XPO7: variants seen among roughly 807,000 people sequenced by gnomAD.
XPO7 encodes exportin 7, also known as exportin-7.
Under a neutral mutation model 144.3 loss-of-function variants are expected in XPO7, and 21 were observed. The ratio of observed to expected loss-of-function variants is 0.15; its 90% CI spans 0.10 to 0.21. The LOEUF is 0.21. Ranked by LOEUF, XPO7 falls within the 10% of genes least tolerant of loss-of-function variation. The probability of loss-of-function intolerance (pLI) is 1.00; values close to 1 mark genes in which losing one functional copy is unlikely to be tolerated. For synonymous variants in XPO7, 580 were observed against 499.6 expected (o/e 1.16, Z -2.15); for missense variants, 808 against 1,325.8 (o/e 0.61, Z 6.06).
rs368651646 is a variant in XPO7, at chr8:21,994,407, C to G, written c.2193C>G (p.Phe731Leu). ...GLVRDLRGIA[F>L]AFNAKTSFMM... ...TAAGAGACCTGAGAGGGATCGCTTT[C>G]GCTTTCAATGCCAAGACCAGCTTCA... The change falls in exon 20 of 28, where the codon TTC becomes TTG. Residue 731 changes from phenylalanine to leucine, a missense_variant. This residue lies in a region of XPO7 where 416 missense variants were observed against 612.5 expected (regional missense o/e 0.68). Coordinates refer to ENST00000252512, the MANE Select transcript of XPO7 (RefSeq NM_015024.5). 75 of 1,612,354 alleles carry G rather than the reference C, an allele frequency of 4.7e-5. No homozygotes were observed. The highest frequency in any genetic ancestry group is 8.5e-6 in the Non-Finnish European group (10 of 1,178,808).
intron 1 of XPO7, among the ~76,000 whole-genome samples, chr8:21,923,846 C>T (rs1810372796): frequency 6.6e-6 from 1 of 152,182 alleles, no homozygotes; most frequent in African/African-American, 2.4e-5. Flanking sequence ...CAGTTTAAAC[C>T]AATAAGCTAA....
At chr8:21,964,564 A>G (rs897076510) in intron 1 of XPO7, among the ~76,000 whole-genome samples, 10 of 152,046 alleles carry the variant, frequency 6.6e-5, no homozygotes, top group Non-Finnish European at 1.3e-4. Context: ...AGATGTTTCC[A>G]CTAATTGTTT....
chr8:21,985,430 T>G (rs745876606), intron 12 of XPO7, among the ~76,000 whole-genome samples, 156 bp from the exon 13 acceptor site: 7 of 152,230 alleles, frequency 4.6e-5, no homozygotes, highest in Non-Finnish European at 1.5e-5. Flanking sequence ...CCTCTTAGCA[T>G]TGCCCTTACC....
chr8:21,961,394 T>C (rs1811721743), intron 1 of XPO7, among the ~76,000 whole-genome samples: 2 of 151,800 alleles, frequency 1.3e-5, no homozygotes, highest in South Asian at 4.1e-4. Flanking sequence ...GTTATTATTA[T>C]TTGTAGAGGC....
At chr8:21,962,488 G>A (rs988653961) in intron 1 of XPO7, among the ~76,000 whole-genome samples, 5 of 152,146 alleles carry the variant, frequency 3.3e-5, no homozygotes, top group Non-Finnish European at 5.9e-5. Context: ...AGAATCAGCC[G>A]TTAACTAGTA....
chr8:21,994,110 A>G (rs1812861445), intron 19 of XPO7, among the ~76,000 whole-genome samples: 1 of 152,160 alleles, frequency 6.6e-6, no homozygotes. Context: ...TGGCAAAACA[A>G]ACTTCCAAAG....
chr8:21,951,358 A>G (rs1811366840), intron 1 of XPO7, among the ~76,000 whole-genome samples: 2 of 151,738 alleles, frequency 1.3e-5, no homozygotes, highest in Non-Finnish European at 2.9e-5. Flanking sequence ...ACTCTTAATC[A>G]TCCTTACTCT....
At chr8:21,997,114 A>G (rs543906141) in intron 21 of XPO7, among the ~76,000 whole-genome samples, 3 of 152,298 alleles carry the variant, frequency 2.0e-5, no homozygotes, top group Middle Eastern at 3.4e-3. Context: ...AGCAGAATTA[A>G]TAAGTTTTAA....
intron 15 of XPO7, 45 bp from the exon 16 acceptor site, chr8:21,988,958 A>G: frequency 6.3e-7 from 1 of 1,583,478 alleles, no homozygotes; most frequent in Non-Finnish European, 8.6e-7. Context: ...GGAAACCAGC[A>G]AATCAAAAGG....
intron 14 of XPO7, among the ~76,000 whole-genome samples, chr8:21,987,496 C>G (rs1216315259): frequency 1.3e-5 from 2 of 152,200 alleles, no homozygotes; most frequent in Non-Finnish European, 2.9e-5. Flanking sequence ...GTCCAAACAT[C>G]TGTTGTTCTC....
intron 1 of XPO7, among the ~76,000 whole-genome samples, chr8:21,962,439 T>A (rs985096528): frequency 2.0e-5 from 3 of 152,222 alleles, no homozygotes; most frequent in Non-Finnish European, 2.9e-5. Context: ...TTTTGTCTGG[T>A]TGGTTTTGTG....
At chr8:21,939,927 A>G (rs774712283) in intron 1 of XPO7, among the ~76,000 whole-genome samples, 1 of 152,252 alleles carries the variant, frequency 6.6e-6, no homozygotes, top group Admixed American at 6.5e-5. Flanking sequence ...TAAGAACATT[A>G]TATTTTGTAA....
At chr8:21,982,307 C>T (rs1462979248) in intron 10 of XPO7, among the ~76,000 whole-genome samples, 2 of 152,140 alleles carry the variant, frequency 1.3e-5, no homozygotes, top group East Asian at 3.9e-4. Flanking sequence ...CCCATAATTT[C>T]TGGTTCAGTA....
intron 1 of XPO7, among the ~76,000 whole-genome samples, chr8:21,945,206 C>A (rs1246471960): frequency 6.6e-6 from 1 of 152,208 alleles, no homozygotes; most frequent in South Asian, 2.1e-4. Flanking sequence ...CCCCCCACCT[C>A]CCAGACGGGG....
chr8:21,933,261 C>T (rs955076877), intron 1 of XPO7, among the ~76,000 whole-genome samples: 5 of 152,038 alleles, frequency 3.3e-5, no homozygotes, highest in East Asian at 1.9e-4. Context: ...CCACCACACC[C>T]GGCTAATTTT....
intron 16 of XPO7, among the ~76,000 whole-genome samples, chr8:21,989,663 A>AT: frequency 6.6e-6 from 1 of 152,154 alleles, no homozygotes; most frequent in East Asian, 1.9e-4. Context: ...AAGTTCATTC[A>AT]TTATACACAA....
At chr8:21,943,698 A>G (rs1811068031) in intron 1 of XPO7, among the ~76,000 whole-genome samples, 1 of 152,200 alleles carries the variant, frequency 6.6e-6, no homozygotes, top group African/African-American at 2.4e-5. Context: ...TTCTCACCCA[A>G]ATATCTCACA....
intron 1 of XPO7, among the ~76,000 whole-genome samples, chr8:21,957,695 T>TA: frequency 6.6e-6 from 1 of 152,322 alleles, no homozygotes; most frequent in Non-Finnish European, 1.5e-5. Context: ...GAGTTAGACT[T>TA]ATCCAATGTT....
At chr8:21,992,036 A>G in intron 19 of XPO7, 62 bp downstream of exon 19, 1 of 1,386,748 alleles carries the variant, frequency 7.2e-7, no homozygotes, top group Non-Finnish European at 1.0e-6. Flanking sequence ...TCTGATTGAA[A>G]ATCGTGCTTG....
Sources: allele counts gnomAD v4.1 joint callset (sites outside exome capture counted in the v4.1 genomes callset), GRCh38; gene constraint gnomAD v4.1.1; regional missense constraint gnomAD v4.1.1; transcripts MANE v1.5; gene names NCBI Gene and HGNC (gene_info 2026-07-23, HGNC 2026-07-21).